IL1RAPL1: variants seen among roughly 807,000 people sequenced by gnomAD.
IL1RAPL1 encodes the protein interleukin 1 receptor accessory protein like 1, also known as interleukin-1 receptor accessory protein-like 1.
IL1RAPL1 carries 3 observed loss-of-function variants against 48.4 expected under a neutral mutation model. That is an observed-to-expected ratio of 0.06 (90% CI 0.03 to 0.16). The LOEUF is 0.16. Among genes scored for constraint, IL1RAPL1 ranks in the 10% least tolerant of loss-of-function variants. The pLI is 1.00. For synonymous variants in IL1RAPL1, 185 were observed against 187.7 expected, an observed-to-expected ratio of 0.99 and a Z score of 0.12; for missense variants, 349 against 530.6, an observed-to-expected ratio of 0.66 and a Z score of 3.36.
chrX:28,710,633 A>G (rs1935430401), intron 1 of IL1RAPL1, among the ~76,000 whole-genome samples: 1 of 111,414 alleles, frequency 9.0e-6, no homozygotes, highest in African/African-American at 3.3e-5. Context: ...AACAAATATT[A>G]TGTGAACCTC....
intron 1 of IL1RAPL1, among the ~76,000 whole-genome samples, chrX:28,663,479 A>C (rs1934843057): frequency 8.9e-6 from 1 of 112,001 alleles, no homozygotes; most frequent in East Asian, 2.8e-4. Context: ...ACGGGATTGT[A>C]TTTTGTATGT....
chrX:29,127,882 C>T (rs141305485), intron 2 of IL1RAPL1, among the ~76,000 whole-genome samples: 1,528 of 108,683 alleles, frequency 0.014, 14 homozygotes, highest in Non-Finnish European at 0.02. Flanking sequence ...GAGAATTGCT[C>T]GAACCCGGGA....
chrX:29,311,259 A>G (rs1932720068), intron 3 of IL1RAPL1, among the ~76,000 whole-genome samples: 1 of 112,336 alleles, frequency 8.9e-6, no homozygotes, highest in Admixed American at 9.5e-5. Flanking sequence ...TTGAAAAGCA[A>G]TGACCTGCTT....
intron 2 of IL1RAPL1, among the ~76,000 whole-genome samples, chrX:29,269,989 G>C (rs1299141877): frequency 9.0e-6 from 1 of 110,964 alleles, no homozygotes; most frequent in Non-Finnish European, 1.9e-5. Flanking sequence ...GCATTTTCTA[G>C]AGTTTTATAT....
intron 2 of IL1RAPL1, among the ~76,000 whole-genome samples, chrX:29,205,566 T>A (rs1930646707): frequency 9.0e-6 from 1 of 111,305 alleles, no homozygotes; most frequent in African/African-American, 3.3e-5. Flanking sequence ...ATCAAATTGA[T>A]TAAACTGTCC....
At chrX:29,137,895 T>G (rs1886558542) in intron 2 of IL1RAPL1, among the ~76,000 whole-genome samples, 2 of 112,638 alleles carry the variant, frequency 1.8e-5, no homozygotes, top group African/African-American at 6.4e-5. Context: ...AAATTAAATG[T>G]GCCAGATTTG....
Position 29,668,500 on chromosome X carries a change from G to A in IL1RAPL1, c.774G>A (p.Gln258=). 1.7e-6 allele frequency: 2 copies of A among 1,183,088 alleles called. No homozygotes were observed. The highest frequency in any genetic ancestry group is 1.8e-5 in the South Asian group (1 of 56,083). Residue 258 remains glutamine (Q), a synonymous_variant, in exon 6 of 11, where the codon CAG becomes CAA. Transcript: ENST00000378993. ...MESKLTIQET[Q]LGDSANLTCR... ...GTAAACTGACAATTCAGGAGACCCAGCTGGGTGAGTAATTCCTTAATTCTA... is the reference window on the plus strand; with the variant it reads ...GTAAACTGACAATTCAGGAGACCCAACTGGGTGAGTAATTCCTTAATTCTA...
chrX:29,925,426 T>TG (rs1322665758), intron 8 of IL1RAPL1, among the ~76,000 whole-genome samples: 4 of 22,936 alleles, frequency 1.7e-4, no homozygotes, highest in Non-Finnish European at 2.7e-4. Flanking sequence ...TTTTTTTTTT[T>TG]TTTTTTTTTT....
At chrX:29,875,782 T>C in intron 6 of IL1RAPL1, among the ~76,000 whole-genome samples, 1 of 112,153 alleles carries the variant, frequency 8.9e-6, no homozygotes, top group South Asian at 3.7e-4. Flanking sequence ...CATTGAAACG[T>C]AAGCATGGTG....
intron 3 of IL1RAPL1, among the ~76,000 whole-genome samples, chrX:29,367,687 T>C (rs1197597722): frequency 4.6e-5 from 5 of 108,430 alleles, no homozygotes; most frequent in Admixed American, 1.0e-4. Flanking sequence ...TTTAAGCAAT[T>C]CTCCTGCCTC....
intron 2 of IL1RAPL1, among the ~76,000 whole-genome samples, chrX:28,897,380 G>C (rs768867218): frequency 2.7e-5 from 3 of 111,886 alleles, no homozygotes; most frequent in Non-Finnish European, 5.6e-5. Context: ...TCCCGAGCCC[G>C]TGACCAGCAC....
chrX:28,846,664 T>G (rs1345359445), intron 2 of IL1RAPL1, among the ~76,000 whole-genome samples: 1 of 112,311 alleles, frequency 8.9e-6, no homozygotes, highest in Admixed American at 9.4e-5. Flanking sequence ...ATTTCATTTT[T>G]AGTCACAAAA....
At chrX:28,681,744 A>G (rs755120829) in intron 1 of IL1RAPL1, among the ~76,000 whole-genome samples, 1 of 112,384 alleles carries the variant, frequency 8.9e-6, no homozygotes, top group Admixed American at 9.4e-5. Flanking sequence ...TTAAGAATGT[A>G]TACATATATC....
intron 5 of IL1RAPL1, among the ~76,000 whole-genome samples, chrX:29,516,740 C>T (rs1467679772): frequency 2.7e-5 from 3 of 110,670 alleles, no homozygotes; most frequent in Non-Finnish European, 5.7e-5. Flanking sequence ...CTATGACTAT[C>T]CTTATACTTG....
At chrX:29,324,042 T>A (rs1385329991) in intron 3 of IL1RAPL1, among the ~76,000 whole-genome samples, 1 of 107,936 alleles carries the variant, frequency 9.3e-6, no homozygotes, top group East Asian at 3.0e-4. Context: ...ACATTACATA[T>A]ACACTTTCAC....
intron 5 of IL1RAPL1, among the ~76,000 whole-genome samples, chrX:29,520,453 A>G (rs139672012): frequency 1.8e-5 from 2 of 111,608 alleles, no homozygotes; most frequent in East Asian, 2.8e-4. Context: ...TTCTTCCTTT[A>G]TGGTATTTAG....
intron 6 of IL1RAPL1, among the ~76,000 whole-genome samples, chrX:29,899,120 G>GGTGTGTGTGTGTGT (rs112187676): frequency 2.8e-5 from 3 of 107,333 alleles, no homozygotes; most frequent in Admixed American, 2.0e-4. Flanking sequence ...TATTTATTAG[G>GGTGTGTGTGTGTGT]GTGTGTGTGT....
intron 6 of IL1RAPL1, among the ~76,000 whole-genome samples, chrX:29,803,104 CATATATGT>C (rs1232279511): frequency 2.3e-5 from 2 of 88,572 alleles, no homozygotes; most frequent in Admixed American, 1.3e-4. Flanking sequence ...TACATGTATA[CATATATGT>C]ATATATGTGT....
intron 5 of IL1RAPL1, among the ~76,000 whole-genome samples, chrX:29,508,450 G>A (rs937217936): frequency 3.6e-5 from 4 of 112,092 alleles, no homozygotes; most frequent in Non-Finnish European, 7.5e-5. Flanking sequence ...TTTCTAAAAT[G>A]TGATTGGTTT....
Sources: allele counts gnomAD v4.1 joint callset (sites outside exome capture counted in the v4.1 genomes callset), GRCh38; gene constraint gnomAD v4.1.1; transcripts MANE v1.5; gene names NCBI Gene and HGNC (gene_info 2026-07-23, HGNC 2026-07-21).